Variants in DCC observed in about 807,000 individuals in gnomAD.
DCC encodes the protein netrin receptor DCC.
In DCC, 58 loss-of-function variants were observed where a neutral mutation model predicts 172.5. The ratio of observed to expected loss-of-function variants is 0.34; its 90% confidence interval spans 0.27 to 0.42. The LOEUF is 0.42. Ranked by LOEUF, DCC falls within the 10% of genes least tolerant of loss-of-function variation. The pLI is 1.00. For missense variants in DCC, 1,740 were observed against 1,791.0 expected (o/e 0.97, Z 0.51); for synonymous variants, 709 against 644.5 (o/e 1.10, Z -1.52).
At chr18:52,411,251 C>A (rs1271197916) in intron 1 of DCC, among the ~76,000 whole-genome samples, 1 of 152,144 alleles carries the variant, frequency 6.6e-6, no homozygotes, top group Non-Finnish European at 1.5e-5. Context: ...CAATTTCTCT[C>A]CCTGCCTTCA....
At chr18:53,241,343 T>C (rs948457780) in intron 12 of DCC, among the ~76,000 whole-genome samples, 10 of 152,006 alleles carry the variant, frequency 6.6e-5, no homozygotes, top group African/African-American at 2.4e-4. Flanking sequence ...GAACTGCAAT[T>C]GTACAAGGAA....
intron 14 of DCC, among the ~76,000 whole-genome samples, chr18:53,325,088 G>C (rs1159296168): frequency 6.6e-6 from 1 of 151,182 alleles, no homozygotes; most frequent in African/African-American, 2.4e-5. Context: ...TGCTACTCAG[G>C]AGGCTGAGGC....
At chr18:53,031,027 G>C (rs1345477568) in intron 5 of DCC, among the ~76,000 whole-genome samples, 2 of 152,174 alleles carry the variant, frequency 1.3e-5, no homozygotes, top group Non-Finnish European at 2.9e-5. Flanking sequence ...GAGAGGCTGA[G>C]GCAGATGGAT....
At chr18:52,373,661 C>T (rs1239919533) in intron 1 of DCC, among the ~76,000 whole-genome samples, 1 of 152,130 alleles carries the variant, frequency 6.6e-6, no homozygotes. Flanking sequence ...CTCTCTCTCT[C>T]TCTTTTTCCT....
At chr18:53,241,051 G>A (rs2056285651) in intron 12 of DCC, among the ~76,000 whole-genome samples, 1 of 152,114 alleles carries the variant, frequency 6.6e-6, no homozygotes, top group African/African-American at 2.4e-5. Context: ...CGAGATCTTT[G>A]AGCTTCTGAA....
At chr18:52,471,553 GA>G (rs796535770) in intron 1 of DCC, among the ~76,000 whole-genome samples, 4 of 152,224 alleles carry the variant, frequency 2.6e-5, no homozygotes, top group African/African-American at 9.6e-5. Flanking sequence ...TTCTTCTTAA[GA>G]AACTTATTTC....
chr18:53,166,901 T>C lies in DCC; in HGVS notation c.1418+9389T>C, dbSNP rs2054930475. On this transcript the variant is annotated intron_variant, in intron 8 of 28. Coordinates refer to ENST00000442544, the MANE Select transcript of DCC (RefSeq NM_005215.4). The stretch of plus-strand genomic sequence containing the variant: ...TTAGGGTAATAAGGAATGTGACATT[T>C]GGGTGGTTATCACTCTGCTATCACT... 3.9e-5 allele frequency among the ~76,000 whole-genome samples: 6 copies of C among 152,294 alleles called. No homozygotes were observed. The South Asian group carries it at 1.2e-3, about 32-fold the overall frequency.
chr18:53,201,116 C>T (rs1306706831), intron 9 of DCC, among the ~76,000 whole-genome samples: 1 of 152,140 alleles, frequency 6.6e-6, no homozygotes. Context: ...ACACTGCCTC[C>T]CTTTCCCTTC....
intron 5 of DCC, among the ~76,000 whole-genome samples, chr18:53,009,714 A>T (rs2041700495): frequency 6.6e-6 from 1 of 151,938 alleles, no homozygotes; most frequent in African/African-American, 2.4e-5. Flanking sequence ...TTGTGTTAAA[A>T]TTTCATGATT....
rs150087692 is a variant in DCC at position 52,582,526 on chromosome 18, G to C, written c.92-169528G>C. Among the ~76,000 whole-genome samples the C allele has an allele frequency of 4.6e-3, 699 of 152,290 alleles. 9 individuals are homozygous for C. The highest frequency in any genetic ancestry group is 0.016 in the African/African-American group (676 of 41,542). On this transcript the variant is annotated intron_variant, in intron 1 of 28. Transcript: ENST00000442544. ...ATAAGCAAATGTACCTGTATTTGAA[G>C]TGACAATGCCATTGAAGTTTTGGTC...
intron 1 of DCC, among the ~76,000 whole-genome samples, chr18:52,747,557 G>A (rs1056127929): frequency 6.6e-6 from 1 of 152,118 alleles, no homozygotes; most frequent in Admixed American, 6.6e-5. Context: ...CACTTTGAAT[G>A]AACTCTGAGT....
At chr18:53,335,071 T>C (rs2057576545) in intron 14 of DCC, among the ~76,000 whole-genome samples, 2 of 152,228 alleles carry the variant, frequency 1.3e-5, no homozygotes, top group South Asian at 4.1e-4. Flanking sequence ...TCTCTTTTTA[T>C]CTTTTTCATT....
At chr18:53,057,079 T>TAAAAG (rs2042416994) in intron 5 of DCC, among the ~76,000 whole-genome samples, 1 of 89,328 alleles carries the variant, frequency 1.1e-5, no homozygotes, top group Admixed American at 1.4e-4. Context: ...CTTCTAAAAG[T>TAAAAG]AAAAAAAAAA....
At chr18:53,088,150 G>A (rs1309100507) in intron 7 of DCC, among the ~76,000 whole-genome samples, 3 of 152,142 alleles carry the variant, frequency 2.0e-5, no homozygotes, top group Non-Finnish European at 4.4e-5. Context: ...AAAGTCATTG[G>A]TAGCTTGATG....
At chr18:52,939,087 G>A (rs955422746) in intron 5 of DCC, among the ~76,000 whole-genome samples, 5 of 152,112 alleles carry the variant, frequency 3.3e-5, no homozygotes, top group African/African-American at 7.2e-5. Flanking sequence ...AAACCACTGT[G>A]GGATTTGGTT....
chr18:52,929,804 C>G (rs2040276138), intron 5 of DCC, among the ~76,000 whole-genome samples: 1 of 144,262 alleles, frequency 6.9e-6, no homozygotes. Flanking sequence ...AATCCAAAGA[C>G]CTGGACTTTG....
chr18:52,528,746 C>T (rs1325417186), intron 1 of DCC, among the ~76,000 whole-genome samples: 1 of 152,062 alleles, frequency 6.6e-6, no homozygotes, highest in East Asian at 1.9e-4. Context: ...CTTGTGGTTT[C>T]TGCTTTCTCA....
chr18:52,931,511 C>T (rs1333604922), intron 5 of DCC, among the ~76,000 whole-genome samples: 2 of 152,028 alleles, frequency 1.3e-5, no homozygotes, highest in Admixed American at 1.3e-4. Flanking sequence ...ACAGACTTTT[C>T]AAGTAGAATA....
At chr18:53,181,518 A>T (rs116530059) in intron 9 of DCC, among the ~76,000 whole-genome samples, 1,966 of 152,100 alleles carry the variant, frequency 0.013, 45 homozygotes, top group African/African-American at 0.045. Flanking sequence ...TAAAAAAAAT[A>T]AAAACTATGA....
Sources: allele counts gnomAD v4.1 joint callset (sites outside exome capture counted in the v4.1 genomes callset), GRCh38; gene constraint gnomAD v4.1.1; transcripts MANE v1.5; gene names NCBI Gene and HGNC (gene_info 2026-07-23, HGNC 2026-07-21).